The following GREB1L variants were observed in gnomAD, a reference collection of about 807,000 sequenced individuals.
GREB1L encodes the protein GREB1-like protein.
GREB1L carries 17 observed loss-of-function variants against 200.8 expected under a neutral mutation model. That is an observed-to-expected ratio of 0.08 (90% CI 0.06 to 0.13). The LOEUF is 0.13. Among genes scored for constraint, GREB1L ranks in the 10% least tolerant of loss-of-function variants. The pLI is 1.00. For synonymous variants in GREB1L, 789 were observed against 893.0 expected, an observed-to-expected ratio of 0.88 and a Z score of 2.08; for missense variants, 1,657 against 2,367.7, an observed-to-expected ratio of 0.70 and a Z score of 6.23.
At chr18:21,451,358 A>T in intron 13 of GREB1L, 1 of 454,516 alleles carries the variant, frequency 2.2e-6, no homozygotes, top group South Asian at 4.0e-5. Flanking sequence ...TGGATTCAAA[A>T]GTCTCAGCTC....
intron 7 of GREB1L, among the ~76,000 whole-genome samples, chr18:21,438,356 C>A (rs1368944720): frequency 6.6e-6 from 1 of 152,096 alleles, no homozygotes; most frequent in Non-Finnish European, 1.5e-5. Context: ...TTAAAAGAGT[C>A]TTTTTCTTTT....
chr18:21,285,529 T>C (rs2038341653), intron 1 of GREB1L, among the ~76,000 whole-genome samples: 1 of 152,180 alleles, frequency 6.6e-6, no homozygotes, highest in African/African-American at 2.4e-5. Flanking sequence ...ATGAGACCAA[T>C]GCAGGAAGAA....
chr18:21,522,294 A>C (rs376318755), intron 32 of GREB1L, among the ~76,000 whole-genome samples: 4 of 152,010 alleles, frequency 2.6e-5, no homozygotes, highest in African/African-American at 9.6e-5. Context: ...AACATGATGA[A>C]ACCCCATCTC....
intron 1 of GREB1L, among the ~76,000 whole-genome samples, chr18:21,319,111 T>C (rs1292224971): frequency 6.6e-6 from 1 of 152,222 alleles, no homozygotes; most frequent in Admixed American, 6.5e-5. Context: ...AACAAGCAGA[T>C]ATCCATTCTG....
chr18:21,298,642 G>C (rs2038567897), intron 1 of GREB1L, among the ~76,000 whole-genome samples: 1 of 152,116 alleles, frequency 6.6e-6, no homozygotes. Flanking sequence ...AAAATACTTT[G>C]CCATATACAT....
intron 1 of GREB1L, among the ~76,000 whole-genome samples, chr18:21,296,142 A>G (rs2038524022): frequency 6.6e-6 from 1 of 152,226 alleles, no homozygotes; most frequent in African/African-American, 2.4e-5. Flanking sequence ...TCGTTGCAGC[A>G]CTATTCACAA....
chr18:21,464,563 A>G (rs1056943938), intron 15 of GREB1L, among the ~76,000 whole-genome samples: 16 of 145,906 alleles, frequency 1.1e-4, no homozygotes, highest in Non-Finnish European at 2.1e-4. Context: ...AAAAAAAAAA[A>G]GTCAGGGAAC....
chr18:21,385,152 G>A (rs1397077458), intron 4 of GREB1L, among the ~76,000 whole-genome samples: 7 of 152,012 alleles, frequency 4.6e-5, no homozygotes, highest in African/African-American at 1.2e-4. Flanking sequence ...ACTTTGTCCC[G>A]ATTAGCCAGA....
At chr18:21,521,191 C>A (rs1009437580) in intron 32 of GREB1L, among the ~76,000 whole-genome samples, 1 of 151,352 alleles carries the variant, frequency 6.6e-6, no homozygotes, top group African/African-American at 2.4e-5. Flanking sequence ...AGCAAGACTC[C>A]GTCTCAAAAA....
At chr18:21,490,689 G>A (rs1455853539) in intron 19 of GREB1L, among the ~76,000 whole-genome samples, 1 of 152,104 alleles carries the variant, frequency 6.6e-6, no homozygotes, top group African/African-American at 2.4e-5. Flanking sequence ...GAGAAAAAAA[G>A]GTAAGTTATC....
chr18:21,362,166 A>T (rs1187051634), intron 1 of GREB1L, among the ~76,000 whole-genome samples: 1 of 152,176 alleles, frequency 6.6e-6, no homozygotes, highest in Non-Finnish European at 1.5e-5. Flanking sequence ...TTCTGAGATT[A>T]TGAAATATTA....
At chr18:21,497,485 A>AT (rs2036589662) in intron 21 of GREB1L, among the ~76,000 whole-genome samples, 1 of 152,030 alleles carries the variant, frequency 6.6e-6, no homozygotes, top group African/African-American at 2.4e-5. Flanking sequence ...TCTACTAAAA[A>AT]TACAAACAAT....
intron 7 of GREB1L, among the ~76,000 whole-genome samples, chr18:21,414,387 T>A (rs1302284079): frequency 6.6e-6 from 1 of 152,228 alleles, no homozygotes; most frequent in East Asian, 1.9e-4. Flanking sequence ...AGCATGTTTG[T>A]TTCTTTTTCT....
intron 1 of GREB1L, among the ~76,000 whole-genome samples, chr18:21,301,478 C>G (rs1480248587): frequency 6.6e-6 from 1 of 152,162 alleles, no homozygotes; most frequent in Non-Finnish European, 1.5e-5. Context: ...ACTGTGCTCA[C>G]AAAGAAATTT....
At chr18:21,521,661 T>C (rs2037601528) in intron 32 of GREB1L, among the ~76,000 whole-genome samples, 1 of 151,986 alleles carries the variant, frequency 6.6e-6, no homozygotes, top group African/African-American at 2.4e-5. Flanking sequence ...TGGCATATAG[T>C]GGGCAGAAGC....
At chr18:21,336,057 A>T (rs576498546) in intron 1 of GREB1L, among the ~76,000 whole-genome samples, 19 of 152,220 alleles carry the variant, frequency 1.2e-4, no homozygotes, top group Admixed American at 6.5e-4. Context: ...CTGACGTTCT[A>T]TCTTGGTCTC....
chr18:21,506,160 G>A (rs542351233), intron 25 of GREB1L, among the ~76,000 whole-genome samples: 60 of 152,192 alleles, frequency 3.9e-4, no homozygotes, highest in African/African-American at 1.4e-3. Context: ...GTGGGAGGCC[G>A]AGGCGGGTGG....
chr18:21,294,424 A>C (rs1272880552), intron 1 of GREB1L, among the ~76,000 whole-genome samples: 1 of 151,970 alleles, frequency 6.6e-6, no homozygotes, highest in East Asian at 1.9e-4. Flanking sequence ...CAGAGAGGAG[A>C]TAACATGGAA....
chr18:21,285,060 C>T (rs1327444343), intron 1 of GREB1L, among the ~76,000 whole-genome samples: 7 of 152,078 alleles, frequency 4.6e-5, no homozygotes, highest in Admixed American at 3.9e-4. Flanking sequence ...GAATTCTTTA[C>T]ATATTCTAGA....
Sources: allele counts gnomAD v4.1 joint callset (sites outside exome capture counted in the v4.1 genomes callset), GRCh38; gene constraint gnomAD v4.1.1; transcripts MANE v1.5; gene names NCBI Gene and HGNC (gene_info 2026-07-23, HGNC 2026-07-21).